Variants in VPS35L observed in about 807,000 individuals in gnomAD.
The protein encoded by VPS35L is VPS35 endosomal protein sorting factor like.
Under a neutral mutation model 133.0 loss-of-function variants are expected in VPS35L, and 83 were observed. The observed-to-expected ratio is 0.62, with a 90% CI of 0.52 to 0.75. The LOEUF is 0.75. Among genes scored for constraint, VPS35L ranks in the 30% least tolerant of loss-of-function variants. The pLI is 0.00. For synonymous variants in VPS35L, 423 were observed against 449.9 expected (o/e 0.94, Z 0.76); for missense variants, 1,083 against 1,206.8 (o/e 0.90, Z 1.52).
intron 1 of VPS35L, among the ~76,000 whole-genome samples, 192 bp downstream of exon 1, chr16:19,555,938 G>A (rs945065099): frequency 6.6e-6 from 1 of 152,192 alleles, no homozygotes; most frequent in Non-Finnish European, 1.5e-5. Context: ...CAGACTGGCG[G>A]GTTCTTGGTT....
intron 6 of VPS35L, 142 bp from the exon 7 acceptor site, chr16:19,581,383 G>A (rs1971703355): frequency 1.0e-6 from 1 of 962,852 alleles, no homozygotes; most frequent in African/African-American, 1.7e-5. Context: ...ATTGCAAATT[G>A]CAAGGCAAAG....
At chr16:19,610,000 T>C (rs1303681604) in intron 11 of VPS35L, among the ~76,000 whole-genome samples, 4 of 151,966 alleles carry the variant, frequency 2.6e-5, no homozygotes, top group Admixed American at 1.3e-4. Context: ...GGGTGCCCAG[T>C]CGATGGAAAA....
chr16:19,674,455 C>G (rs984923191), intron 27 of VPS35L, among the ~76,000 whole-genome samples: 6 of 151,886 alleles, frequency 4.0e-5, no homozygotes, highest in African/African-American at 1.5e-4. Context: ...CTTGGCCTCC[C>G]AAAGTGCTGG....
chr16:19,691,761 A>G (rs918436887), intron 29 of VPS35L, among the ~76,000 whole-genome samples: 1 of 151,992 alleles, frequency 6.6e-6, no homozygotes, highest in Admixed American at 6.6e-5. Context: ...CACCACCTGC[A>G]TGCCTCTGCC....
chr16:19,613,869 T>TG (rs1972804446), intron 12 of VPS35L, among the ~76,000 whole-genome samples: 2 of 152,008 alleles, frequency 1.3e-5, no homozygotes, highest in South Asian at 2.1e-4. Context: ...ATACCAGCAA[T>TG]GGGGGGGATG....
intron 14 of VPS35L, among the ~76,000 whole-genome samples, chr16:19,624,855 T>C (rs1282049603): frequency 6.6e-6 from 1 of 152,114 alleles, no homozygotes; most frequent in Non-Finnish European, 1.5e-5. Flanking sequence ...CACAAGGACA[T>C]GGTGAAGAGT....
chr16:19,650,815 G>A (rs989778588), intron 25 of VPS35L, among the ~76,000 whole-genome samples: 5 of 151,868 alleles, frequency 3.3e-5, no homozygotes, highest in Non-Finnish European at 5.9e-5. Context: ...ATAAAAATAT[G>A]TATAATAATA....
intron 6 of VPS35L, among the ~76,000 whole-genome samples, chr16:19,580,145 G>T (rs753707311): frequency 9.2e-5 from 14 of 151,826 alleles, no homozygotes; most frequent in Non-Finnish European, 1.3e-4. Context: ...GGTTGAGATC[G>T]CTCTGTCACC....
intron 7 of VPS35L, among the ~76,000 whole-genome samples, chr16:19,587,650 A>C (rs1971911647): frequency 6.6e-6 from 1 of 152,032 alleles, no homozygotes; most frequent in South Asian, 2.1e-4. Flanking sequence ...AAAAAAAAAA[A>C]ATTAATTGAC....
intron 1 of VPS35L, among the ~76,000 whole-genome samples, chr16:19,556,837 C>T (rs1427636820): frequency 6.9e-6 from 1 of 145,900 alleles, no homozygotes; most frequent in Non-Finnish European, 1.5e-5. Flanking sequence ...AGTTAATAGT[C>T]ATGCTGGCTG....
chr16:19,593,883 C>T (rs1393263454), intron 8 of VPS35L, among the ~76,000 whole-genome samples: 2 of 150,328 alleles, frequency 1.3e-5, no homozygotes, highest in African/African-American at 2.5e-5. Flanking sequence ...CGCCACTGCA[C>T]TCCAGCCTGG....
chr16:19,633,159 A>G lies in VPS35L; in HGVS notation c.1622A>G (p.Asp541Gly). ...ATGACTCCAGATCGTGCATTTGAAG[A>G]TTCCTACCCCCAGGTAACAGATTTG... is the stretch of plus-strand genomic sequence containing the variant. ...KHMTPDRAFE[D>G]SYPQLQLIIK... Residue 541 changes from aspartate to glycine, a missense_variant, in exon 19 of 31, where the codon GAT (aspartate) becomes GGT (glycine). Physicochemically the swap from Asp to Gly is moderately conservative, Grantham distance 94. Coordinates refer to ENST00000417362, the MANE Select transcript of VPS35L (RefSeq NM_020314.7). This position sits in a 1 kb window ranked among gnomAD's most constrained non-coding sequence, Gnocchi z 4.1. The G allele has an allele frequency of 6.2e-7, 1 of 1,614,120 alleles. No homozygotes were observed. The highest frequency in any genetic ancestry group is 1.3e-5 in the African/African-American group (1 of 75,048).
chr16:19,645,827 C>T (rs1027904122), intron 23 of VPS35L, among the ~76,000 whole-genome samples: 2 of 152,258 alleles, frequency 1.3e-5, no homozygotes, highest in African/African-American at 4.8e-5. Context: ...GCAGCTGATG[C>T]AGATCATCAG....
At chr16:19,555,790 T>C in intron 1 of VPS35L, 44 bp downstream of exon 1, 1 of 1,538,766 alleles carries the variant, frequency 6.5e-7, no homozygotes, top group Non-Finnish European at 8.7e-7. Context: ...GGGCTGTCCT[T>C]ACTTGTGATG....
intron 26 of VPS35L, among the ~76,000 whole-genome samples, chr16:19,664,154 A>G (rs1005554960): frequency 6.6e-6 from 1 of 152,180 alleles, no homozygotes; most frequent in African/African-American, 2.4e-5. Context: ...ATAATGAGGT[A>G]GTCTGTCCCC....
intron 27 of VPS35L, among the ~76,000 whole-genome samples, chr16:19,677,587 G>A (rs1975107936): frequency 6.6e-6 from 1 of 152,148 alleles, no homozygotes; most frequent in South Asian, 2.1e-4. Flanking sequence ...CTGGAGGTGG[G>A]AAGCGGCACT....
At chr16:19,570,890 T>TATATATATA (rs1971361160) in intron 3 of VPS35L, among the ~76,000 whole-genome samples, 65 of 113,652 alleles carry the variant, frequency 5.7e-4, no homozygotes, top group South Asian at 8.5e-4. Context: ...TATATATATA[T>TATATATATA]TTTTGAGATG....
intron 24 of VPS35L, among the ~76,000 whole-genome samples, chr16:19,648,830 T>A (rs1488857335): frequency 7.5e-6 from 1 of 133,742 alleles, no homozygotes. Flanking sequence ...ATCGCGCCAC[T>A]GCACTCTACA....
Position 19,647,773 on chromosome 16 carries a change from C to T in VPS35L, c.1930-11C>T. 1 of 1,611,134 alleles carries T rather than the reference C, an allele frequency of 6.2e-7. No homozygotes were observed. The highest frequency in any genetic ancestry group is 8.5e-7 in the Non-Finnish European group (1 of 1,177,400). ...CACTGTCCCTTTCAGCGTCTTTCTCCTTGATTCTAGGTTTCCTTTGGCCGT... is the reference window on the plus strand; with the variant it reads ...CACTGTCCCTTTCAGCGTCTTTCTCTTTGATTCTAGGTTTCCTTTGGCCGT... On this transcript the variant is annotated splice_polypyrimidine_tract_variant and intron_variant, in intron 23 of 30. Coordinates refer to ENST00000417362, the MANE Select transcript of VPS35L (RefSeq NM_020314.7).
Sources: gnomAD v4.1 joint callset for allele counts (sites outside exome capture counted in the v4.1 genomes callset) on GRCh38, gnomAD v4.1.1 for gene constraint, Gnocchi (gnomAD v3.1) non-coding constraint, MANE v1.5 for transcripts, NCBI Gene and HGNC (gene_info 2026-07-23, HGNC 2026-07-21) for gene names.